TAOK1: variants seen among roughly 807,000 people sequenced by gnomAD.
The protein encoded by TAOK1 is serine/threonine-protein kinase TAO1.
In TAOK1, 21 loss-of-function variants were observed where a neutral mutation model predicts 138.3. That is an observed-to-expected ratio of 0.15 (90% CI 0.11 to 0.22). The LOEUF is 0.22. Ranked by LOEUF, TAOK1 falls within the 10% of genes least tolerant of loss-of-function variation. The probability of loss-of-function intolerance (pLI) is 1.00; values close to 1 mark genes in which losing one functional copy is unlikely to be tolerated. For synonymous variants in TAOK1, 361 were observed against 398.4 expected (o/e 0.91, Z 1.12); for missense variants, 651 against 1,227.7 (o/e 0.53, Z 7.02).
chr17:29,487,246 CAAAAAAAAAAA>C (rs71138823), intron 8 of TAOK1, among the ~76,000 whole-genome samples: 21 of 90,292 alleles, frequency 2.3e-4, no homozygotes, highest in African/African-American at 6.6e-4. Context: ...ACTGTGTCTC[CAAAAAAAAAAA>C]AAAAAAAAAA....
intron 1 of TAOK1, among the ~76,000 whole-genome samples, chr17:29,437,195 C>G (rs767933755): frequency 6.6e-6 from 1 of 152,076 alleles, no homozygotes; most frequent in Admixed American, 6.6e-5. Context: ...TCCCAACTAG[C>G]TGGGACTACA....
rs764728107 is a variant in TAOK1, at chr17:29,495,737, A to T, written c.999+10A>T. The T allele has an allele frequency of 8.9e-6, 14 of 1,574,344 alleles. No homozygotes were observed. The highest frequency in any genetic ancestry group is 1.2e-5 in the Non-Finnish European group (14 of 1,160,016). On this transcript the variant is annotated intron_variant, in intron 11 of 19. Transcript: ENST00000261716. ...ACAGGAAGAAGAAGAGGTAAGAGAT[A>T]AAAAAATGACTCCAATATTGAATTT...
chr17:29,421,552 C>T (rs1018576388), intron 1 of TAOK1, among the ~76,000 whole-genome samples: 9 of 152,126 alleles, frequency 5.9e-5, no homozygotes, highest in Admixed American at 5.2e-4. Context: ...AGAGTTTTCT[C>T]TAGGCAAGGC....
chr17:29,502,583 T>A lies in TAOK1; in HGVS notation c.1204-6T>A. On this transcript the variant is annotated splice_region_variant and splice_polypyrimidine_tract_variant and intron_variant, in intron 12 of 19. Transcript: ENST00000261716. ...ACATAATATTGTCTTTTTTTTTTTT[T>A]CCTAGGAGGAAGAAAATTACAGAGA... The A allele has an allele frequency of 1.2e-6, 2 of 1,602,040 alleles. No individual in the cohort carries two copies. Among genetic ancestry groups the A allele is most frequent in the Non-Finnish European group, 1.7e-6 (2 of 1,176,186 alleles).
intron 9 of TAOK1, among the ~76,000 whole-genome samples, chr17:29,490,348 A>G (rs2031273699): frequency 6.6e-6 from 1 of 152,258 alleles, no homozygotes; most frequent in African/African-American, 2.4e-5. Context: ...CAATTTTAGA[A>G]AACTAGGATT....
chr17:29,542,688 T>G lies in TAOK1; in HGVS notation c.2672T>G (p.Val891Gly). Reference protein sequence around the residue: ...ESMRLGFSNMVLSNLSPEAFS... With the variant: ...ESMRLGFSNMGLSNLSPEAFS... ...ATGAGACTAGGTTTTAGTAATATGG[T>G]CCTTTCTAATCTCTCCCCTGAGGCA... is the stretch of plus-strand genomic sequence containing the variant. Residue 891 changes from valine (V) to glycine (G), a missense_variant, in exon 20 of 20, where the codon GTC becomes GGC. Physicochemically the swap from Val to Gly is moderately radical, Grantham distance 109. Around this residue, in one of 8 missense-constraint regions of TAOK1, gnomAD observed 258 missense variants for 548.9 expected, o/e 0.47. Coordinates refer to ENST00000261716, the MANE Select transcript of TAOK1 (RefSeq NM_020791.4). The G allele has an allele frequency of 6.2e-7, 1 of 1,614,214 alleles. No individual in the cohort carries two copies.
chr17:29,503,165 A>C (rs1460070800), intron 13 of TAOK1, among the ~76,000 whole-genome samples: 1 of 151,746 alleles, frequency 6.6e-6, no homozygotes, highest in Non-Finnish European at 1.5e-5. Flanking sequence ...GGGAGGCCGA[A>C]GCGGGCGGAT....
At chr17:29,529,164 G>T (rs1416619720) in intron 17 of TAOK1, among the ~76,000 whole-genome samples, 2 of 151,932 alleles carry the variant, frequency 1.3e-5, no homozygotes, top group African/African-American at 4.8e-5. Flanking sequence ...TGTAGAAATG[G>T]GGTCTCACTA....
Position 29,548,382 on chromosome 17 carries a change from A to T in TAOK1, c.*5360A>T, listed in dbSNP as rs760008795. ...ACTGTTAACTGTTTCCCAGCAATCT[A>T]AACTTTTTGAAGTTTCAGAGGTGTA... On this transcript the variant is annotated 3_prime_UTR_variant, in exon 20 of 20. Transcript: ENST00000261716. 6.6e-6 allele frequency: 1 copy of T among 152,074 alleles called. No homozygotes were observed. The highest frequency in any genetic ancestry group is 1.5e-5 in the Non-Finnish European group (1 of 67,962). 9.4% of individuals were successfully genotyped at this position (152,074 alleles called of 1,614,324 possible).
intron 1 of TAOK1, among the ~76,000 whole-genome samples, chr17:29,444,835 T>A (rs941241326): frequency 6.6e-6 from 1 of 152,246 alleles, no homozygotes; most frequent in African/African-American, 2.4e-5. Flanking sequence ...AGGTTGACTT[T>A]GATTTCTTTC....
intron 1 of TAOK1, among the ~76,000 whole-genome samples, chr17:29,413,711 C>T (rs1279081603): frequency 6.6e-6 from 1 of 152,114 alleles, no homozygotes; most frequent in South Asian, 2.1e-4. Context: ...TTTTCCTTAA[C>T]CCTCAAGCAA....
chr17:29,487,008 G>T lies in TAOK1; in HGVS notation c.656-2656G>T, dbSNP rs144809833. On this transcript the variant is annotated intron_variant, in intron 8 of 19. Transcript: ENST00000261716. ...TCATGCCTGTAATCCCAGCACTTTG[G>T]GAGGCCAAGGCGGGCAGATCACCTG... is the stretch of plus-strand genomic sequence containing the variant. Among the ~76,000 whole-genome samples, 1,093 of 152,226 alleles carry T rather than the reference G, an allele frequency of 7.2e-3. 14 individuals are homozygous for T. The highest frequency in any genetic ancestry group is 0.025 in the African/African-American group (1,044 of 41,516).
chr17:29,482,119 G>A, intron 7 of TAOK1, 78 bp from the exon 8 acceptor site: 1 of 1,042,194 alleles, frequency 9.6e-7, no homozygotes, highest in Non-Finnish European at 1.4e-6. Flanking sequence ...TGATCTCCAT[G>A]TAGATGACTG....
chr17:29,438,638 C>T lies in TAOK1; in HGVS notation c.-94-12817C>T, dbSNP rs1410046150. On this transcript the variant is annotated intron_variant, in intron 1 of 19. Coordinates refer to ENST00000261716, the MANE Select transcript of TAOK1 (RefSeq NM_020791.4). ...CAGGAGGTCGAGGCTGCAGTGAGAT[C>T]GTGGCACTGCATTTCAGCCTGCATA... Among the ~76,000 whole-genome samples, 3 of 152,100 alleles carry T rather than the reference C, an allele frequency of 2.0e-5. 1 individual carries two copies. In the South Asian group the frequency reaches 6.2e-4, roughly 32 times the overall value.
intron 1 of TAOK1, among the ~76,000 whole-genome samples, chr17:29,442,389 G>GTTT (rs531137552): frequency 1.7e-3 from 226 of 130,534 alleles, no homozygotes; most frequent in African/African-American, 6.0e-3. Flanking sequence ...ATTTTTTTCT[G>GTTT]TTTTTTTTTT....
At chr17:29,530,907 CA>C (rs1260266885) in intron 18 of TAOK1, among the ~76,000 whole-genome samples, 1 of 148,162 alleles carries the variant, frequency 6.7e-6, no homozygotes, top group African/African-American at 2.5e-5. Context: ...AAGCAGTGAG[CA>C]AAAGGTATGA....
chr17:29,504,745 C>A (rs2153028947), intron 13 of TAOK1, among the ~76,000 whole-genome samples: 1 of 152,234 alleles, frequency 6.6e-6, no homozygotes, highest in African/African-American at 2.4e-5. Context: ...GACTTCTCAA[C>A]TATGTAATAA....
At chr17:29,500,091 A>G (rs1024137120) in intron 12 of TAOK1, among the ~76,000 whole-genome samples, 4 of 152,130 alleles carry the variant, frequency 2.6e-5, no homozygotes, top group Non-Finnish European at 4.4e-5. Context: ...AGGCGGGCAG[A>G]TTGCTTGAGC....
At chr17:29,484,707 G>A (rs330158) in intron 8 of TAOK1, among the ~76,000 whole-genome samples, 1 of 151,828 alleles carries the variant, frequency 6.6e-6, no homozygotes, top group African/African-American at 2.4e-5. Context: ...TGGGTTCAAG[G>A]GATTCTCCTG....
Sources: gnomAD v4.1 joint callset for allele counts (sites outside exome capture counted in the v4.1 genomes callset) on GRCh38, gnomAD v4.1.1 for gene constraint, gnomAD v4.1.1 regional missense constraint, MANE v1.5 for transcripts, NCBI Gene and HGNC (gene_info 2026-07-23, HGNC 2026-07-21) for gene names.